The following PCDH15 variants were observed in gnomAD, a reference collection of about 807,000 sequenced individuals.
PCDH15 encodes the protein protocadherin-15.
A neutral mutation model predicts 178.5 loss-of-function variants in PCDH15; 129 were observed. The ratio of observed to expected loss-of-function variants is 0.72; its 90% CI spans 0.63 to 0.84. The LOEUF (loss-of-function observed/expected upper bound fraction) is 0.84. PCDH15 is among the 40% of genes least tolerant of loss of function. The pLI is 0.00. For synonymous variants in PCDH15, 800 were observed against 732.0 expected, an observed-to-expected ratio of 1.09 and a Z score of -1.50; for missense variants, 2,230 against 2,099.9, an observed-to-expected ratio of 1.06 and a Z score of -1.21.
intron 1 of PCDH15, among the ~76,000 whole-genome samples, chr10:55,312,720 C>T (rs1015299653): frequency 2.0e-5 from 3 of 151,920 alleles, no homozygotes; most frequent in South Asian, 2.1e-4. Flanking sequence ...TGGGTTCAAG[C>T]GATTCTCCTG....
rs1375993496 is a variant in PCDH15, at chr10:55,356,313, GA to G, written c.-155-189663del. 6.0e-5 allele frequency among the ~76,000 whole-genome samples: 9 copies of G among 151,254 alleles called. No individual in the cohort carries two copies. In the South Asian group the frequency reaches 1.5e-3, roughly 24 times the overall value. ...GGAGAGTGGCAAGGAAGAACACAAA[GA>G]AAAAAAGGAGAAGAGGAAAAAATGA... On this transcript the variant is annotated intron_variant, in intron 2 of 5. Coordinates refer to the PCDH15 transcript ENST00000613346.
At chr10:54,582,632 G>A (rs2091138850) in intron 2 of PCDH15, among the ~76,000 whole-genome samples, 1 of 152,066 alleles carries the variant, frequency 6.6e-6, no homozygotes, top group African/African-American at 2.4e-5. Flanking sequence ...AACATTACTG[G>A]CAAGGTGTGG....
At chr10:54,515,876 C>T (rs2082161161) in intron 3 of PCDH15, among the ~76,000 whole-genome samples, 1 of 152,218 alleles carries the variant, frequency 6.6e-6, no homozygotes, top group Admixed American at 6.5e-5. Flanking sequence ...TGCTGATACC[C>T]AGGCAAACAG....
At chr10:55,382,274 C>T (rs553742568) in intron 2 of PCDH15, among the ~76,000 whole-genome samples, 4 of 152,156 alleles carry the variant, frequency 2.6e-5, no homozygotes, top group Admixed American at 6.5e-5. Context: ...CAAATCCCTG[C>T]GAGCTGCGAT....
At chr10:54,777,136 C>A (rs189716092) in intron 1 of PCDH15, among the ~76,000 whole-genome samples, 11 of 152,194 alleles carry the variant, frequency 7.2e-5, no homozygotes, top group Admixed American at 7.2e-4. Context: ...TGGGTATTTA[C>A]GATGAGTAAG....
intron 11 of PCDH15, among the ~76,000 whole-genome samples, chr10:54,191,540 A>G (rs1015435992): frequency 2.0e-5 from 3 of 152,210 alleles, no homozygotes; most frequent in Non-Finnish European, 4.4e-5. Context: ...TCAGGCCACA[A>G]AAATGTTCAG....
chr10:54,637,289 C>T (rs1012326247), intron 2 of PCDH15, among the ~76,000 whole-genome samples: 2 of 151,898 alleles, frequency 1.3e-5, no homozygotes, highest in South Asian at 4.1e-4. Flanking sequence ...TGTTAGTTTT[C>T]TATCACTATG....
rs1841028026 is a variant in PCDH15, at chr10:53,804,266, C to A, written c.*2313G>T. ...TTACTGAAATGTGTCTGCTAAGTGG[C>A]TTGTAAAATTTTGCATATTTTCTCA... is the stretch of plus-strand genomic sequence containing the variant. On this transcript the variant is annotated 3_prime_UTR_variant, in exon 38 of 38. Transcript: ENST00000644397. 2 of 151,866 alleles carry A rather than the reference C, an allele frequency of 1.3e-5. No individual in the cohort carries two copies. Among genetic ancestry groups the A allele is most frequent in the East Asian group, 1.9e-4 (1 of 5,186 alleles). The allele number at this position is 151,866 out of a possible 1,614,324, so 9.4% of individuals were successfully genotyped here.
intron 2 of PCDH15, among the ~76,000 whole-genome samples, chr10:55,601,628 G>T (rs1348413623): frequency 6.6e-6 from 1 of 152,010 alleles, no homozygotes; most frequent in Admixed American, 6.6e-5. Context: ...TTATGACAAT[G>T]ATATAAAGAA....
Position 54,317,406 on chromosome 10 carries a change from G to A in PCDH15, c.741C>T (p.Thr247=), listed in dbSNP as rs866392811. The part of the protein sequence containing the change: ...RAQNLNERRT[T]TTTLTVDVLD... ...GAACATCCACTGTGAGAGTGGTGGT[G>A]GTGGTTCGCCTCTCATTCAGATTTT... Residue 247 remains threonine, a synonymous_variant, in exon 8 of 38, where the codon ACC becomes ACT. Transcript: ENST00000644397. The A allele has an allele frequency of 6.2e-7, 1 of 1,613,934 alleles. No homozygotes were observed. The highest frequency in any genetic ancestry group is 8.5e-7 in the Non-Finnish European group (1 of 1,179,914).
intron 14 of PCDH15, among the ~76,000 whole-genome samples, chr10:54,140,139 C>T (rs1365999802): frequency 6.6e-6 from 1 of 152,054 alleles, no homozygotes; most frequent in Non-Finnish European, 1.5e-5. Flanking sequence ...ATAGTTAAAG[C>T]TCATATCTTA....
chr10:54,309,800 G>T (rs1283407207), intron 8 of PCDH15, among the ~76,000 whole-genome samples: 1 of 145,936 alleles, frequency 6.9e-6, no homozygotes, highest in Non-Finnish European at 1.5e-5. Context: ...CTCAAAAAAA[G>T]AAAAAAAAAA....
intron 3 of PCDH15, among the ~76,000 whole-genome samples, chr10:54,877,222 T>G (rs935151559): frequency 6.6e-6 from 1 of 152,216 alleles, no homozygotes; most frequent in African/African-American, 2.4e-5. Context: ...TAAATTTTAG[T>G]ATAAGCATAA....
chr10:54,398,847 C>A (rs564360689), intron 3 of PCDH15, among the ~76,000 whole-genome samples: 1 of 151,994 alleles, frequency 6.6e-6, no homozygotes, highest in Non-Finnish European at 1.5e-5. Context: ...TAGAATTAAA[C>A]TAGACACTGC....
intron 9 of PCDH15, among the ~76,000 whole-genome samples, chr10:54,217,951 C>T (rs1211737826): frequency 6.6e-6 from 1 of 151,828 alleles, no homozygotes; most frequent in Admixed American, 6.6e-5. Context: ...AAAGATAAGA[C>T]AATTTGAGCA....
intron 2 of PCDH15, among the ~76,000 whole-genome samples, chr10:55,457,957 C>A (rs1839591197): frequency 6.6e-6 from 1 of 152,024 alleles, no homozygotes; most frequent in South Asian, 2.1e-4. Flanking sequence ...TTAGAAAGCA[C>A]AGGCTTATTA....
chr10:53,990,217 T>G (rs1419691545), intron 21 of PCDH15, among the ~76,000 whole-genome samples: 1 of 152,078 alleles, frequency 6.6e-6, no homozygotes, highest in African/African-American at 2.4e-5. Flanking sequence ...TTGAAACCCC[T>G]TTGCAAATAA....
intron 2 of PCDH15, among the ~76,000 whole-genome samples, chr10:55,602,348 A>C (rs1246694202): frequency 9.0e-5 from 12 of 133,608 alleles, no homozygotes; most frequent in Non-Finnish European, 1.7e-4. Flanking sequence ...CTTAGGTAAA[A>C]AAAGCGGCTG....
intron 16 of PCDH15, 85 bp downstream of exon 16, chr10:54,089,899 G>T (rs2094571734): frequency 9.6e-7 from 1 of 1,036,666 alleles, no homozygotes; most frequent in Non-Finnish European, 1.5e-6. Flanking sequence ...ACAAACAGCT[G>T]AAAGCCTCTG....
Sources: allele counts gnomAD v4.1 joint callset (sites outside exome capture counted in the v4.1 genomes callset), GRCh38; gene constraint gnomAD v4.1.1; transcripts MANE v1.5; gene names NCBI Gene and HGNC (gene_info 2026-07-23, HGNC 2026-07-21).